Variants in LRRC7 observed in about 807,000 individuals in gnomAD.
LRRC7 encodes leucine rich repeat containing 7, also known as leucine-rich repeat-containing protein 7.
LRRC7 carries 23 observed loss-of-function variants against 175.7 expected under a neutral mutation model. The ratio of observed to expected loss-of-function variants is 0.13; its 90% CI spans 0.09 to 0.19. The LOEUF (loss-of-function observed/expected upper bound fraction) is 0.19, where lower values mean the gene tolerates loss of function less well. Ranked by LOEUF, LRRC7 falls within the 10% of genes least tolerant of loss-of-function variation. The pLI, the probability that LRRC7 is intolerant of heterozygous loss-of-function variation, is 1.00. For synonymous variants in LRRC7, 685 were observed against 680.9 expected, an observed-to-expected ratio of 1.01 and a Z score of -0.09; for missense variants, 1,354 against 1,904.7, an observed-to-expected ratio of 0.71 and a Z score of 5.38.
intron 3 of LRRC7, among the ~76,000 whole-genome samples, chr1:69,778,746 G>A (rs1673109048): frequency 1.3e-5 from 2 of 152,104 alleles, no homozygotes; most frequent in South Asian, 4.1e-4. Context: ...TACCAGTGGA[G>A]AAAATCTCCA....
chr1:69,786,488 G>A (rs1322278325), intron 3 of LRRC7, among the ~76,000 whole-genome samples: 1 of 144,018 alleles, frequency 6.9e-6, no homozygotes, highest in Non-Finnish European at 1.5e-5. Context: ...CTTCCTCCCT[G>A]TATTAGTCTA....
chr1:69,922,775 G>A (rs74964204), intron 7 of LRRC7, among the ~76,000 whole-genome samples: 4,576 of 151,678 alleles, frequency 0.03, 232 homozygotes, highest in African/African-American at 0.1. Flanking sequence ...CATCCACCTC[G>A]AAATACTATT....
chr1:69,613,012 C>T (rs1335740638), intron 1 of LRRC7, among the ~76,000 whole-genome samples: 2 of 152,056 alleles, frequency 1.3e-5, no homozygotes, highest in Admixed American at 1.3e-4. Context: ...TTTTTACATG[C>T]TACTTCATCT....
At chr1:69,587,413 A>T (rs116102470) in intron 1 of LRRC7, among the ~76,000 whole-genome samples, 1 of 152,062 alleles carries the variant, frequency 6.6e-6, no homozygotes, top group South Asian at 2.1e-4. Context: ...TCTTCCTTCA[A>T]TCTCACCTCT....
chr1:69,883,936 A>G (rs1261170595), intron 7 of LRRC7, among the ~76,000 whole-genome samples: 6 of 73,638 alleles, frequency 8.1e-5, no homozygotes, highest in Non-Finnish European at 1.1e-4. Context: ...GATATGCGGC[A>G]TTATTTCTGA....
At chr1:70,013,883 G>A (rs1656740867) in intron 13 of LRRC7, 1 of 151,972 alleles carries the variant, frequency 6.6e-6, no homozygotes, top group South Asian at 2.1e-4. Flanking sequence ...TAGCTTTTAT[G>A]GAATCATAAG....
intron 4 of LRRC7, among the ~76,000 whole-genome samples, chr1:69,817,491 G>A (rs1014259595): frequency 2.0e-4 from 30 of 151,908 alleles, no homozygotes; most frequent in African/African-American, 7.2e-4. Context: ...TGATCTCTAA[G>A]TCTGTGTTTG....
At chr1:70,112,429 G>A (rs1028286773) in intron 26 of LRRC7, among the ~76,000 whole-genome samples, 4 of 152,144 alleles carry the variant, frequency 2.6e-5, no homozygotes, top group Admixed American at 1.3e-4. Flanking sequence ...TAGGTAGGAG[G>A]GAAGTCATGT....
chr1:69,967,550 T>C (rs1258912566), intron 8 of LRRC7, among the ~76,000 whole-genome samples: 1 of 152,048 alleles, frequency 6.6e-6, no homozygotes, highest in Non-Finnish European at 1.5e-5. Context: ...ACAGAGTCCA[T>C]TTCACGCCCC....
At position 70,134,129 on chromosome 1, in the gene LRRC7, GATTTT is replaced by G. The variant is rs537255307; in HGVS notation, c.*12251_*12255del. On this transcript the variant is annotated 3_prime_UTR_variant, in exon 27 of 27. Transcript: ENST00000651989. Reference sequence around the variant, plus strand: ...AGTAATCAGCATAATATGACAATCAGATTTTATTTTATTATGAAGTGAATAAGAAA... The same window carrying G: ...AGTAATCAGCATAATATGACAATCAGATTTTATTATGAAGTGAATAAGAAA... Among the ~76,000 whole-genome samples, 154 of 152,256 alleles carry G rather than the reference GATTTT, an allele frequency of 1.0e-3. No homozygotes were observed. The highest frequency in any genetic ancestry group is 3.7e-3 in the African/African-American group (153 of 41,556).
intron 16 of LRRC7, among the ~76,000 whole-genome samples, chr1:70,022,896 A>G (rs1657660597): frequency 6.6e-6 from 1 of 152,184 alleles, no homozygotes; most frequent in African/African-American, 2.4e-5. Context: ...TGCCCTACTT[A>G]CAGTCTGTAT....
intron 21 of LRRC7, among the ~76,000 whole-genome samples, 153 bp from the exon 22 acceptor site, chr1:70,043,801 G>C (rs193134072): frequency 1.6e-4 from 25 of 152,210 alleles, no homozygotes; most frequent in Admixed American, 4.6e-4. Flanking sequence ...ACTGTTTACT[G>C]TATGCTTCTG....
intron 2 of LRRC7, among the ~76,000 whole-genome samples, chr1:69,729,247 C>T (rs563932027): frequency 2.9e-4 from 44 of 152,212 alleles, no homozygotes; most frequent in African/African-American, 8.7e-4. Flanking sequence ...TTCCAAATCT[C>T]GTGTCCTCAC....
intron 22 of LRRC7, among the ~76,000 whole-genome samples, chr1:70,049,834 G>A (rs905262913): frequency 3.3e-5 from 5 of 152,038 alleles, no homozygotes; most frequent in Non-Finnish European, 7.4e-5. Context: ...AACTTTGGGG[G>A]AGATTGTTTT....
At chr1:69,640,969 A>G (rs1654114609) in intron 1 of LRRC7, among the ~76,000 whole-genome samples, 4 of 151,716 alleles carry the variant, frequency 2.6e-5, no homozygotes, top group Admixed American at 2.6e-4. Context: ...TTTTCTTTCA[A>G]AATGATTCAG....
intron 1 of LRRC7, among the ~76,000 whole-genome samples, chr1:69,610,600 T>G (rs1319578853): frequency 1.3e-5 from 2 of 152,076 alleles, no homozygotes; most frequent in Non-Finnish European, 2.9e-5. Context: ...TTATAATGTT[T>G]GCTGTTGTGG....
At position 70,119,767 on chromosome 1, in the gene LRRC7, T is replaced by G. The variant is rs180970703; in HGVS notation, c.4621-2013T>G. On this transcript the variant is annotated intron_variant, in intron 26 of 26. Transcript: ENST00000651989. The stretch of plus-strand genomic sequence containing the variant: ...TTCTTTAACTGTGAGATATTTAAAT[T>G]TTGAACAATTCCCTGAAAATTCTCA... Among the ~76,000 whole-genome samples the G allele has an allele frequency of 2.2e-3, 334 of 152,204 alleles. 4 individuals carry two copies. Among genetic ancestry groups the G allele is most frequent in the Non-Finnish European group, 6.9e-4 (47 of 67,954 alleles).
At chr1:69,764,068 T>G (rs1671336369) in intron 3 of LRRC7, among the ~76,000 whole-genome samples, 1 of 151,920 alleles carries the variant, frequency 6.6e-6, no homozygotes, top group Non-Finnish European at 1.5e-5. Flanking sequence ...GATACAATAA[T>G]AGATATGAAA....
intron 1 of LRRC7, among the ~76,000 whole-genome samples, chr1:69,623,546 A>T: frequency 7.9e-6 from 1 of 126,754 alleles, no homozygotes; most frequent in South Asian, 2.9e-4. Context: ...AGAAAAAGAC[A>T]TACTTTTTTT....
Sources: gnomAD v4.1 joint callset for allele counts (sites outside exome capture counted in the v4.1 genomes callset) on GRCh38, gnomAD v4.1.1 for gene constraint, MANE v1.5 for transcripts, NCBI Gene and HGNC (gene_info 2026-07-23, HGNC 2026-07-21) for gene names.